The following ITGA1 variants were observed in gnomAD, a reference collection of about 807,000 sequenced individuals.
ITGA1 encodes the protein integrin alpha-1.
In ITGA1, 85 loss-of-function variants were observed where a neutral mutation model predicts 145.9. The observed-to-expected ratio is 0.58, with a 90% CI of 0.49 to 0.70. The LOEUF is 0.70. ITGA1 is among the 30% of genes least tolerant of loss of function. ITGA1 has a pLI of 0.00. For missense variants in ITGA1, 1,351 were observed against 1,418.7 expected (o/e 0.95, Z 0.77); for synonymous variants, 520 against 495.3 (o/e 1.05, Z -0.66).
At chr5:52,806,711 T>G (rs1415989854) in intron 1 of ITGA1, among the ~76,000 whole-genome samples, 1 of 152,120 alleles carries the variant, frequency 6.6e-6, no homozygotes, top group African/African-American at 2.4e-5. Context: ...GTATTTAATA[T>G]CTCTATTTTC....
chr5:52,883,714 T>A (rs986659989), intron 7 of ITGA1, among the ~76,000 whole-genome samples: 5 of 152,220 alleles, frequency 3.3e-5, no homozygotes, highest in Admixed American at 2.0e-4. Flanking sequence ...GCCTGGATTC[T>A]CCTGTCTTGA....
chr5:52,813,627 G>GGCTTCTGAGAGACTCAACCAGA (rs1261819217), intron 1 of ITGA1, among the ~76,000 whole-genome samples: 2 of 152,116 alleles, frequency 1.3e-5, no homozygotes, highest in African/African-American at 4.8e-5. Context: ...AATACACTGG[G>GGCTTCTGAGAGACTCAACCAGA]GCTTCTGAGA....
chr5:52,906,871 G>C (rs1750416747), intron 12 of ITGA1, among the ~76,000 whole-genome samples: 1 of 152,124 alleles, frequency 6.6e-6, no homozygotes, highest in South Asian at 2.1e-4. Context: ...CTCACATTAG[G>C]CAGGTCCACA....
At chr5:52,928,370 T>G (rs1750844687) in intron 20 of ITGA1, among the ~76,000 whole-genome samples, 2 of 152,196 alleles carry the variant, frequency 1.3e-5, no homozygotes, top group Non-Finnish European at 2.9e-5. Context: ...GGTTTAGAAC[T>G]TAATCAGAAA....
At chr5:52,952,303 C>T in intron 28 of ITGA1, 104 bp from the exon 29 acceptor site, 1 of 521,680 alleles carries the variant, frequency 1.9e-6, no homozygotes, top group Non-Finnish European at 3.4e-6. Flanking sequence ...GTTGTGTGCC[C>T]AGCATTGCCA....
chr5:52,788,481 G>A (rs2111633129), intron 1 of ITGA1, 67 bp downstream of exon 1: 1 of 1,315,674 alleles, frequency 7.6e-7, no homozygotes, highest in Non-Finnish European at 1.0e-6. Context: ...GGGGAGGGAG[G>A]TCCTCAGAGC....
At chr5:52,891,155 T>C (rs937351328) in intron 8 of ITGA1, among the ~76,000 whole-genome samples, 12 of 152,162 alleles carry the variant, frequency 7.9e-5, no homozygotes, top group Admixed American at 7.2e-4. Context: ...GTTAATTCTA[T>C]ATCTTGTCTA....
chr5:52,795,776 A>G (rs1748329809), intron 1 of ITGA1, among the ~76,000 whole-genome samples: 1 of 151,978 alleles, frequency 6.6e-6, no homozygotes, highest in Admixed American at 6.6e-5. Flanking sequence ...AAGTATCATA[A>G]TATCACTAGG....
At chr5:52,835,652 A>ATG (rs574824601) in intron 1 of ITGA1, among the ~76,000 whole-genome samples, 173 of 152,190 alleles carry the variant, frequency 1.1e-3, no homozygotes, top group Middle Eastern at 3.4e-3. Context: ...GAATTTATAG[A>ATG]TGTGTGTGTG....
At chr5:52,894,927 T>C (rs1038100533) in intron 9 of ITGA1, among the ~76,000 whole-genome samples, 1 of 152,172 alleles carries the variant, frequency 6.6e-6, no homozygotes, top group Non-Finnish European at 1.5e-5. Context: ...TTTAGAGTTA[T>C]GGCTTTCAAA....
rs1225817164 is a variant in ITGA1, at chr5:52,882,037, A to C, written c.773+16A>C. ...ACACAGCAAGGTATATGGATAAAAA[A>C]ATAAACTAAAGTAAAAGACTGCAAA... On this transcript the variant is annotated intron_variant, in intron 7 of 28. Transcript: ENST00000282588. 3.9e-6 allele frequency: 6 copies of C among 1,545,158 alleles called. No homozygotes were observed. The highest frequency in any genetic ancestry group is 5.2e-6 in the Non-Finnish European group (6 of 1,143,834).
chr5:52,811,235 T>A (rs1748679738), intron 1 of ITGA1, among the ~76,000 whole-genome samples: 1 of 152,202 alleles, frequency 6.6e-6, no homozygotes, highest in South Asian at 2.1e-4. Context: ...CCATGACTCA[T>A]GACACCAGGC....
Position 52,879,782 on chromosome 5 carries a change from A to G in ITGA1, c.625-2091A>G, listed in dbSNP as rs9291997. Among the ~76,000 whole-genome samples, 447 of 152,202 alleles carry G rather than the reference A, an allele frequency of 2.9e-3. 1 individual carries two copies. Among genetic ancestry groups the G allele is most frequent in the African/African-American group, 0.011 (438 of 41,548 alleles). ...GCTCTCTCAGAATAGGTGGTAAAGG[A>G]TATTGGGTGAAAGATAAACTCACAG... On this transcript the variant is annotated intron_variant, in intron 6 of 28. Transcript: ENST00000282588.
chr5:52,911,006 CT>C (rs1561245851), intron 14 of ITGA1, among the ~76,000 whole-genome samples: 1,241 of 21,718 alleles, frequency 0.057, 25 homozygotes, highest in African/African-American at 0.22. Context: ...AGTATGTATA[CT>C]GTATATACTA....
chr5:52,917,478 C>CT (rs138403626), intron 15 of ITGA1, among the ~76,000 whole-genome samples: 4,684 of 150,656 alleles, frequency 0.031, 277 homozygotes, highest in African/African-American at 0.11. Context: ...ACTCAGAAAC[C>CT]TTTTTTTTAA....
intron 1 of ITGA1, among the ~76,000 whole-genome samples, chr5:52,795,453 A>G (rs2111649232): frequency 6.6e-6 from 1 of 152,090 alleles, no homozygotes; most frequent in Middle Eastern, 3.4e-3. Context: ...CAAGATTTCC[A>G]TCTTTCAGGA....
intron 1 of ITGA1, among the ~76,000 whole-genome samples, chr5:52,809,749 G>T (rs1748655072): frequency 6.6e-6 from 1 of 151,970 alleles, no homozygotes; most frequent in Admixed American, 6.6e-5. Context: ...CAAGTGATCT[G>T]CCCATCTTGT....
At chr5:52,856,680 C>G (rs369208250) in intron 2 of ITGA1, among the ~76,000 whole-genome samples, 3 of 148,216 alleles carry the variant, frequency 2.0e-5, no homozygotes, top group Non-Finnish European at 4.5e-5. Flanking sequence ...GAAAAAGAGA[C>G]AGAGAGAGAG....
Position 52,905,808 on chromosome 5 carries a change from A to G in ITGA1, c.1355A>G (p.Tyr452Cys), listed in dbSNP as rs770749348. 13 of 1,613,704 alleles carry G rather than the reference A, an allele frequency of 8.1e-6. No homozygotes were observed. The highest frequency in any genetic ancestry group is 6.7e-5 in the African/African-American group (5 of 74,914). Residue 452 changes from tyrosine to cysteine, a missense_variant, in exon 12 of 29, where the codon TAT (tyrosine) becomes TGT (cysteine). Transcript: ENST00000282588. ...SATASSGDVLYIAGQPRYNHT... is the reference protein window; with the variant it reads ...SATASSGDVLCIAGQPRYNHT... ...ACTGCTTCTTCTGGAGATGTGCTCT[A>G]TATTGCTGGACAGCCTCGGTACAAT...
Sources: allele counts gnomAD v4.1 joint callset (sites outside exome capture counted in the v4.1 genomes callset), GRCh38; gene constraint gnomAD v4.1.1; transcripts MANE v1.5; gene names NCBI Gene and HGNC (gene_info 2026-07-23, HGNC 2026-07-21).